The following KCTD16 variants were observed in gnomAD, a reference collection of about 807,000 sequenced individuals.
KCTD16 encodes potassium channel tetramerization domain containing 16, also known as BTB/POZ domain-containing protein KCTD16.
In KCTD16, 13 loss-of-function variants were observed where a neutral mutation model predicts 33.2. The ratio of observed to expected loss-of-function variants is 0.39; its 90% CI spans 0.25 to 0.62. The LOEUF is 0.62. Ranked by LOEUF, KCTD16 falls within the 20% of genes least tolerant of loss-of-function variation. KCTD16 has a pLI of 0.50. For missense variants in KCTD16, 441 were observed against 525.1 expected, an observed-to-expected ratio of 0.84 and a Z score of 1.57; for synonymous variants, 197 against 195.3, an observed-to-expected ratio of 1.01 and a Z score of -0.07.
chr5:144,378,983 C>T (rs1488698363), intron 3 of KCTD16, among the ~76,000 whole-genome samples: 1 of 152,136 alleles, frequency 6.6e-6, no homozygotes, highest in Admixed American at 6.6e-5. Flanking sequence ...TCTTAGATGC[C>T]TTGGCTTCAG....
intron 3 of KCTD16, among the ~76,000 whole-genome samples, chr5:144,232,629 A>G (rs1042878713): frequency 1.3e-5 from 2 of 152,156 alleles, no homozygotes; most frequent in Middle Eastern, 3.2e-3. Flanking sequence ...ATTACTTTCT[A>G]AGGTAGATTC....
intron 3 of KCTD16, among the ~76,000 whole-genome samples, chr5:144,328,420 G>A (rs750304645): frequency 3.9e-5 from 6 of 152,262 alleles, no homozygotes; most frequent in East Asian, 1.9e-4. Context: ...CCTCTCTTTC[G>A]GAGTAGGCCT....
chr5:144,191,938 G>C (rs1752850028), intron 2 of KCTD16, among the ~76,000 whole-genome samples: 1 of 151,714 alleles, frequency 6.6e-6, no homozygotes, highest in Non-Finnish European at 1.5e-5. Flanking sequence ...CATTCATGCT[G>C]TAAAAGGCAG....
intron 3 of KCTD16, among the ~76,000 whole-genome samples, chr5:144,274,721 C>T (rs1470250060): frequency 6.6e-6 from 1 of 152,108 alleles, no homozygotes; most frequent in Non-Finnish European, 1.5e-5. Context: ...TTTCTATTTC[C>T]TCCTTGAGAG....
intron 3 of KCTD16, among the ~76,000 whole-genome samples, chr5:144,240,024 C>A (rs1040865625): frequency 6.6e-6 from 1 of 152,180 alleles, no homozygotes; most frequent in East Asian, 1.9e-4. Flanking sequence ...TGGATTACCC[C>A]CTTTAGTCCT....
At chr5:144,406,967 G>A (rs1752821844) in intron 3 of KCTD16, among the ~76,000 whole-genome samples, 1 of 152,104 alleles carries the variant, frequency 6.6e-6, no homozygotes, top group South Asian at 2.1e-4. Flanking sequence ...AGGGCACCAG[G>A]ACAGGATTTT....
chr5:144,249,531 G>A (rs1004443384), intron 3 of KCTD16, among the ~76,000 whole-genome samples: 30 of 152,008 alleles, frequency 2.0e-4, no homozygotes, highest in African/African-American at 7.3e-4. Context: ...ATAAGTTAAC[G>A]GGGGTAGGAA....
chr5:144,411,761 G>GA (rs1047052565), intron 3 of KCTD16, among the ~76,000 whole-genome samples: 32 of 151,974 alleles, frequency 2.1e-4, no homozygotes, highest in Non-Finnish European at 3.7e-4. Context: ...CATGTAATGG[G>GA]AAAAAACATT....
intron 3 of KCTD16, among the ~76,000 whole-genome samples, chr5:144,309,167 G>A (rs1265749725): frequency 3.9e-5 from 6 of 152,150 alleles, no homozygotes; most frequent in African/African-American, 1.2e-4. Context: ...TGAAAGGTTA[G>A]ACAGAATCAG....
intron 3 of KCTD16, among the ~76,000 whole-genome samples, chr5:144,300,965 C>G (rs548086512): frequency 6.6e-6 from 1 of 151,886 alleles, no homozygotes; most frequent in East Asian, 1.9e-4. Flanking sequence ...ATTACGGGCA[C>G]GGCACAGTGG....
Position 144,299,134 on chromosome 5 carries a change from ATATATATATATATATTTTT to A in KCTD16, c.832+91590_832+91608del, listed in dbSNP as rs1751331602. Among the ~76,000 whole-genome samples the A allele has an allele frequency of 6.7e-5, 2 of 29,786 alleles. 1 individual carries two copies. Among genetic ancestry groups the A allele is most frequent in the African/African-American group, 7.4e-4 (2 of 2,690 alleles). 19.5% of individuals were successfully genotyped at this position (29,786 alleles called of 152,430 possible). A position where few individuals can be genotyped will look rare whatever the true frequency, so the allele number is the denominator to read the frequency against. On this transcript the variant is annotated intron_variant, in intron 3 of 3. Coordinates refer to ENST00000512467, the MANE Select transcript of KCTD16 (RefSeq NM_020768.4). ...TATATATATATATATATATATATAT[ATATATATATATATATTTTT>A]TTTTTTTTTTTTAACCTGTCACTGA...
intron 3 of KCTD16, among the ~76,000 whole-genome samples, chr5:144,360,345 G>A (rs1751680302): frequency 6.6e-6 from 1 of 151,988 alleles, no homozygotes; most frequent in Non-Finnish European, 1.5e-5. Context: ...GTGAGAACAT[G>A]CGGTGTTTGA....
chr5:144,306,086 A>G (rs931421480), intron 3 of KCTD16, among the ~76,000 whole-genome samples: 3 of 152,228 alleles, frequency 2.0e-5, no homozygotes, highest in African/African-American at 7.2e-5. Context: ...AAAATCTGCT[A>G]TTATCATTAT....
chr5:144,402,698 A>G (rs1752729913), intron 3 of KCTD16, among the ~76,000 whole-genome samples: 1 of 152,180 alleles, frequency 6.6e-6, no homozygotes, highest in Non-Finnish European at 1.5e-5. Flanking sequence ...GCATGATTTC[A>G]ATGTTAAAAT....
intron 3 of KCTD16, among the ~76,000 whole-genome samples, chr5:144,321,289 C>T (rs977648686): frequency 1.3e-5 from 2 of 152,164 alleles, no homozygotes; most frequent in Admixed American, 6.5e-5. Flanking sequence ...TCATGAATCA[C>T]CTGCTTCGAA....
At chr5:144,304,095 G>T (rs1751521502) in intron 3 of KCTD16, among the ~76,000 whole-genome samples, 1 of 151,828 alleles carries the variant, frequency 6.6e-6, no homozygotes, top group Admixed American at 6.6e-5. Flanking sequence ...AATAAAAAGA[G>T]GAAATGAAAG....
At chr5:144,246,019 G>T (rs1754540222) in intron 3 of KCTD16, among the ~76,000 whole-genome samples, 1 of 152,138 alleles carries the variant, frequency 6.6e-6, no homozygotes. Context: ...TTGGGCTATG[G>T]TAAGAATTGT....
intron 3 of KCTD16, among the ~76,000 whole-genome samples, chr5:144,452,574 T>G (rs1049812754): frequency 1.3e-5 from 2 of 151,858 alleles, no homozygotes; most frequent in African/African-American, 2.4e-5. Flanking sequence ...TTTAAAAATA[T>G]GGACGGGAAA....
chr5:144,429,121 A>G (rs1048532219), intron 3 of KCTD16, among the ~76,000 whole-genome samples: 2 of 152,168 alleles, frequency 1.3e-5, no homozygotes, highest in African/African-American at 4.8e-5. Context: ...GGTGAAATCT[A>G]AGGAAACGGT....
Sources: gnomAD v4.1 joint callset for allele counts (sites outside exome capture counted in the v4.1 genomes callset) on GRCh38, gnomAD v4.1.1 for gene constraint, MANE v1.5 for transcripts, NCBI Gene and HGNC (gene_info 2026-07-23, HGNC 2026-07-21) for gene names.